PDE8B: variants seen among roughly 807,000 people sequenced by gnomAD.
PDE8B encodes the protein phosphodiesterase 8B.
Under a neutral mutation model 101.3 loss-of-function variants are expected in PDE8B, and 26 were observed. The ratio of observed to expected loss-of-function variants is 0.26; its 90% CI spans 0.19 to 0.36. The LOEUF is 0.36. Among genes scored for constraint, PDE8B ranks in the 10% least tolerant of loss-of-function variants. PDE8B has a pLI of 1.00. For synonymous variants in PDE8B, 424 were observed against 429.3 expected (o/e 0.99, Z 0.15); for missense variants, 810 against 1,163.1 (o/e 0.70, Z 4.42).
At chr5:77,154,031 T>C in the PDE8B span, among the ~76,000 whole-genome samples, 1 of 152,238 alleles carries the variant, frequency 6.6e-6, no homozygotes, top group Non-Finnish European at 1.5e-5. Flanking sequence ...ATTGTAGCCA[T>C]AAAGCTTTTT....
intron 1 of PDE8B, among the ~76,000 whole-genome samples, chr5:77,253,755 T>G (rs1758550539): frequency 6.6e-6 from 1 of 152,092 alleles, no homozygotes; most frequent in Non-Finnish European, 1.5e-5. Flanking sequence ...CATTGAACCT[T>G]ACAAAGAGGG....
the PDE8B span, chr5:77,151,177 A>G: frequency 6.6e-6 from 1 of 152,336 alleles, no homozygotes; most frequent in East Asian, 1.9e-4. Flanking sequence ...GTGATATGTG[A>G]TGCTCCTGAT....
intron 1 of PDE8B, among the ~76,000 whole-genome samples, chr5:77,215,318 A>G (rs1348993968): frequency 6.6e-6 from 1 of 152,182 alleles, no homozygotes; most frequent in Non-Finnish European, 1.5e-5. Flanking sequence ...GCCTTTCACC[A>G]TCATTTTTCA....
chr5:77,363,335 G>A (rs1227191009), intron 10 of PDE8B, among the ~76,000 whole-genome samples: 1 of 152,200 alleles, frequency 6.6e-6, no homozygotes, highest in Non-Finnish European at 1.5e-5. Context: ...GAATTCATAA[G>A]AGAAAGGTTT....
chr5:77,416,330 A>G (rs181667268), intron 17 of PDE8B, among the ~76,000 whole-genome samples: 77 of 152,322 alleles, frequency 5.1e-4, no homozygotes, highest in Middle Eastern at 6.8e-3. Context: ...GATTGAACAT[A>G]CCACAGTGGC....
the PDE8B span, among the ~76,000 whole-genome samples, chr5:77,204,224 A>G: frequency 6.6e-6 from 1 of 151,906 alleles, no homozygotes; most frequent in East Asian, 1.9e-4. Context: ...AGCCTGGTCA[A>G]CATGGTTAAA....
the PDE8B span, among the ~76,000 whole-genome samples, chr5:77,163,465 A>G: frequency 1.3e-5 from 2 of 152,374 alleles, no homozygotes; most frequent in South Asian, 4.1e-4. Context: ...AAGACTAAAA[A>G]AAGGTGGTTA....
At chr5:77,167,198 T>C in the PDE8B span, among the ~76,000 whole-genome samples, 1 of 152,366 alleles carries the variant, frequency 6.6e-6, no homozygotes, top group East Asian at 1.9e-4. Context: ...CACTAATTCC[T>C]GTATTGCATT....
At chr5:77,409,100 GGGC>G in intron 14 of PDE8B, 43 bp downstream of exon 14, 1 of 1,566,316 alleles carries the variant, frequency 6.4e-7, no homozygotes, top group Non-Finnish European at 8.8e-7. Context: ...GAGGTATCCG[GGGC>G]CTCTAGAGTG....
chr5:77,192,890 G>T, the PDE8B span, among the ~76,000 whole-genome samples: 1 of 152,028 alleles, frequency 6.6e-6, no homozygotes, highest in Non-Finnish European at 1.5e-5. Flanking sequence ...GCTGTATGCT[G>T]GTATCTCATT....
chr5:77,235,812 A>AG (rs1754554546), intron 1 of PDE8B, among the ~76,000 whole-genome samples: 1 of 139,764 alleles, frequency 7.2e-6, no homozygotes. Flanking sequence ...GAGTTACAGC[A>AG]GAAAAAAAAA....
the PDE8B span, among the ~76,000 whole-genome samples, chr5:77,100,810 G>C: frequency 1.3e-5 from 2 of 152,082 alleles, no homozygotes; most frequent in Admixed American, 6.5e-5. Context: ...CCTGACCCTG[G>C]TGTTCAGACA....
the PDE8B span, among the ~76,000 whole-genome samples, chr5:77,106,794 GT>G: frequency 6.6e-6 from 1 of 152,022 alleles, no homozygotes; most frequent in African/African-American, 2.4e-5. Context: ...ATAGTTTTCA[GT>G]GTACAGATCT....
chr5:77,133,625 G>C, the PDE8B span, among the ~76,000 whole-genome samples: 1 of 152,226 alleles, frequency 6.6e-6, no homozygotes, highest in East Asian at 1.9e-4. Context: ...TGTTTTGCAG[G>C]GATGAGACAT....
At chr5:77,160,170 T>C in the PDE8B span, among the ~76,000 whole-genome samples, 1 of 152,172 alleles carries the variant, frequency 6.6e-6, no homozygotes, top group African/African-American at 2.4e-5. Context: ...CCAATTTACA[T>C]TCCTACTAAA....
In PDE8B at chr5:77,331,466, A is replaced by T; in HGVS notation, c.708+7A>T. The T allele has an allele frequency of 6.2e-7, 1 of 1,608,752 alleles. No homozygotes were observed. Among genetic ancestry groups the T allele is most frequent in the Non-Finnish European group, 8.5e-7 (1 of 1,175,338 alleles). Reference sequence around the variant, plus strand: ...CCACGCAGGCTTCAACAGGGTATGTACAAGATATCCAGCATCTCTCTCAGT... The same window carrying T: ...CCACGCAGGCTTCAACAGGGTATGTTCAAGATATCCAGCATCTCTCTCAGT... On this transcript the variant is annotated splice_region_variant and intron_variant, in intron 5 of 21. Coordinates refer to ENST00000264917, the MANE Select transcript of PDE8B (RefSeq NM_003719.5).
At chr5:77,212,731 G>A (rs1748767295) in intron 1 of PDE8B, among the ~76,000 whole-genome samples, 2 of 152,026 alleles carry the variant, frequency 1.3e-5, no homozygotes, top group South Asian at 2.1e-4. Context: ...GCTATACTTT[G>A]CTTTTGTCAA....
chr5:77,146,936 T>G, the PDE8B span: 4 of 454,842 alleles, frequency 8.8e-6, no homozygotes, highest in African/African-American at 8.1e-5. Context: ...GGCCTATCCA[T>G]TGGTGAGTTG....
the PDE8B span, among the ~76,000 whole-genome samples, chr5:77,163,628 C>T: frequency 3.3e-5 from 5 of 152,152 alleles, no homozygotes; most frequent in South Asian, 8.3e-4. Flanking sequence ...GTTTCTTTTC[C>T]CCAGTTCTTT....
Sources: allele counts gnomAD v4.1 joint callset (sites outside exome capture counted in the v4.1 genomes callset), GRCh38; gene constraint gnomAD v4.1.1; transcripts MANE v1.5; gene names NCBI Gene and HGNC (gene_info 2026-07-23, HGNC 2026-07-21).